The following ASTE1 variants were observed in gnomAD, a reference collection of about 807,000 sequenced individuals.
The protein encoded by ASTE1 is asteroid structure-specific endonuclease 1.
Under a neutral mutation model 45.8 loss-of-function variants are expected in ASTE1, and 49 were observed. The observed-to-expected ratio is 1.07, with a 90% confidence interval of 0.85 to 1.36. The LOEUF (loss-of-function observed/expected upper bound fraction) is 1.36. Ranked by LOEUF, ASTE1 falls within the 40% of genes most tolerant of loss-of-function variation. The probability of loss-of-function intolerance (pLI) is 0.00; values close to 1 mark genes in which losing one functional copy is unlikely to be tolerated. For missense variants in ASTE1, 709 were observed against 804.0 expected (o/e 0.88, Z 1.43); for synonymous variants, 296 against 303.9 (o/e 0.97, Z 0.27).
At chr3:131,021,959 T>TTAA (rs1276824302) in intron 3 of ASTE1, among the ~76,000 whole-genome samples, 4 of 152,226 alleles carry the variant, frequency 2.6e-5, no homozygotes, top group African/African-American at 7.2e-5. Flanking sequence ...GGGTAAAGTT[T>TTAA]TAATAAATCC....
rs370971090 is a variant in ASTE1 at position 131,025,265 on chromosome 3, A to G, written c.42T>C (p.Ser14=). Reference sequence around the variant, plus strand: ...ACTTCAAATCAGTGAAGAACTCATTACTATGATCTTCCACAAAACTCATTA... The same window carrying G: ...ACTTCAAATCAGTGAAGAACTCATTGCTATGATCTTCCACAAAACTCATTA... The part of the protein sequence containing the change: ...RGLMSFVEDH[S]NEFFTDLKLR... The change falls in exon 3 of 6, where the codon AGT becomes AGC. Residue 14 remains serine (S), a synonymous_variant. Coordinates refer to ENST00000264992, the MANE Select transcript of ASTE1 (RefSeq NM_014065.4). The G allele has an allele frequency of 3.1e-6, 5 of 1,614,112 alleles. No homozygotes were observed. Among genetic ancestry groups the G allele is most frequent in the Non-Finnish European group, 4.2e-6 (5 of 1,179,952 alleles).
intron 3 of ASTE1, among the ~76,000 whole-genome samples, chr3:131,020,575 A>G (rs944012092): frequency 6.7e-6 from 1 of 149,710 alleles, no homozygotes; most frequent in East Asian, 1.9e-4. Flanking sequence ...ATGAGAGACT[A>G]TAAAGTTTTT....
Position 131,018,687 on chromosome 3 carries a change from C to T in ASTE1, c.1332G>A (p.Leu444=), listed in dbSNP as rs755504198. Residue 444 remains leucine, a synonymous_variant, in exon 4 of 6, where the codon CTG becomes CTA. Transcript: ENST00000264992. ...ELSLRRRQML[L]LETLKVKQTI... is the part of the protein sequence containing the mutation. ...TCTGTTTCACCTTCAGGGTTTCTAA[C>T]AGAAGCATCTGCCGCCTCCTCAAGG... 3 of 1,614,098 alleles carry T rather than the reference C, an allele frequency of 1.9e-6. No individual in the cohort carries two copies. In the Admixed American group the frequency reaches 5.0e-5, roughly 27 times the overall value.
intron 3 of ASTE1, among the ~76,000 whole-genome samples, chr3:131,022,370 CA>C (rs1302896073): frequency 6.6e-6 from 1 of 152,104 alleles, no homozygotes; most frequent in Non-Finnish European, 1.5e-5. Context: ...TTTTTAGAGA[CA>C]GGGTTTTGCT....
At chr3:131,025,870 G>A (rs2063852044) in intron 1 of ASTE1, among the ~76,000 whole-genome samples, 1 of 152,170 alleles carries the variant, frequency 6.6e-6, no homozygotes, top group Non-Finnish European at 1.5e-5. Context: ...TCAGGCTTTG[G>A]ATTTGTGGGC....
In ASTE1 at chr3:131,013,951, C is replaced by G; in HGVS notation, c.*106G>C. The G allele has an allele frequency of 1.4e-6, 1 of 739,236 alleles. No individual in the cohort carries two copies. The highest frequency in any genetic ancestry group is 2.1e-5 in the South Asian group (1 of 47,452). The allele number at this position is 739,236 out of a possible 1,614,324, so 45.8% of individuals were successfully genotyped here. A position where few individuals can be genotyped will look rare whatever the true frequency, so the allele number is the denominator to read the frequency against. On this transcript the variant is annotated 3_prime_UTR_variant, in exon 6 of 6. Transcript: ENST00000264992. ...TTCAGATTATTGTGATGTTTATCCC[C>G]TAACAGGTCAGTCCTAAAGAAAAAG...
intron 3 of ASTE1, among the ~76,000 whole-genome samples, chr3:131,023,295 CTATT>C (rs968417449): frequency 3.9e-5 from 6 of 151,938 alleles, no homozygotes; most frequent in African/African-American, 1.2e-4. Flanking sequence ...TAAGTTATCT[CTATT>C]TAATGTCTAA....
At chr3:131,017,360 TA>T (rs2063666164) in intron 4 of ASTE1, among the ~76,000 whole-genome samples, 1 of 152,238 alleles carries the variant, frequency 6.6e-6, no homozygotes, top group African/African-American at 2.4e-5. Flanking sequence ...CACGATCTAA[TA>T]GAACTTTCTG....
chr3:131,014,202 C>CG lies in ASTE1; in HGVS notation c.1894_1895insC (p.Arg632ThrfsTer11). 1 of 1,243,256 alleles carries CG rather than the reference C, an allele frequency of 8.0e-7. No homozygotes were observed. 77.0% of individuals were successfully genotyped at this position (1,243,256 alleles called of 1,614,324 possible). ...ACAGCTGGTATTCTGTTTCTTCTGC[C>CG]TTTTTTTTTTTGAATTTGATCTACC... On this transcript the variant is annotated frameshift_variant, in exon 6 of 6. Transcript: ENST00000264992. LOFTEE classifies it low-confidence loss of function (END_TRUNC).
At chr3:131,015,486 A>AGTG (rs2063575714) in intron 5 of ASTE1, among the ~76,000 whole-genome samples, 1 of 152,218 alleles carries the variant, frequency 6.6e-6, no homozygotes, top group African/African-American at 2.4e-5. Flanking sequence ...TAAACTCCAC[A>AGTG]GACAAACATT....
chr3:131,026,276 C>A (rs913442077), intron 1 of ASTE1: 61 of 152,218 alleles, frequency 4.0e-4, no homozygotes, highest in African/African-American at 1.4e-3. Flanking sequence ...GAACCTTATC[C>A]TGTATAGTAC....
chr3:131,014,148 T>C lies in ASTE1; in HGVS notation c.1949A>G (p.His650Arg), dbSNP rs756278955. 1.9e-5 allele frequency: 31 copies of C among 1,613,894 alleles called. No individual in the cohort carries two copies. The Middle Eastern group carries it at 6.6e-4, about 34-fold the overall frequency. Residue 650 changes from histidine (H) to arginine (R), a missense_variant, in exon 6 of 6, where the codon CAC (histidine) becomes CGC (arginine). Coordinates refer to ENST00000264992, the MANE Select transcript of ASTE1 (RefSeq NM_014065.4). ...CSKNRGRTTA[H>R]TKCWYEGNNR... ...GTTTCCCTCATACCAACACTTGGTG[T>C]GTGCAGTGGTTCTCCCTCTGTTCTT...
At chr3:131,019,643 T>C (rs2063716004) in intron 3 of ASTE1, among the ~76,000 whole-genome samples, 1 of 152,214 alleles carries the variant, frequency 6.6e-6, no homozygotes, top group Non-Finnish European at 1.5e-5. Flanking sequence ...AAAAGTTGTA[T>C]TCCTAGTGTC....
chr3:131,021,295 T>A (rs2063739310), intron 3 of ASTE1, among the ~76,000 whole-genome samples: 1 of 152,120 alleles, frequency 6.6e-6, no homozygotes, highest in Non-Finnish European at 1.5e-5. Context: ...AATGGAAGAT[T>A]GGAAAGAACC....
intron 5 of ASTE1, 29 bp from the exon 6 acceptor site, chr3:131,014,416 T>A (rs1303500544): frequency 6.5e-7 from 1 of 1,535,770 alleles, no homozygotes; most frequent in South Asian, 1.3e-5. Flanking sequence ...AAGTATGTTG[T>A]TAAAGAAGTA....
At chr3:131,019,352 A>G (rs1396437032) in intron 3 of ASTE1, among the ~76,000 whole-genome samples, 1 of 152,204 alleles carries the variant, frequency 6.6e-6, no homozygotes, top group Non-Finnish European at 1.5e-5. Context: ...CTGCTTGTAG[A>G]TTAGAGGTAT....
chr3:131,016,699 C>A, intron 4 of ASTE1: 1 of 322,774 alleles, frequency 3.1e-6, no homozygotes, highest in Non-Finnish European at 6.0e-6. Context: ...CTTTACTGTT[C>A]TCTTTCACCG....
At chr3:131,018,806 A>C (rs1237728773) in intron 3 of ASTE1, 90 bp from the exon 4 acceptor site, 7 of 1,287,136 alleles carry the variant, frequency 5.4e-6, no homozygotes, top group Admixed American at 2.1e-5. Context: ...ATTTAATGCT[A>C]CTGAAACTTC....
rs142249490 is a variant in ASTE1 at position 131,014,275 on chromosome 3, A to G, written c.1822T>C (p.Phe608Leu). The change falls in exon 6 of 6, where the codon TTC becomes CTC. Residue 608 changes from phenylalanine (F) to leucine (L), a missense_variant. Physicochemically the swap from Phe to Leu is conservative, Grantham distance 22. Transcript: ENST00000264992. ...GGGGCATATGACCTTGTGGCATTGA[A>G]TAGATATTCATAAAGTTGCTTAGCC... The part of the protein sequence containing the change: ...PEAKQLYEYL[F>L]NATRSYAPAE... 6.2e-6 allele frequency: 10 copies of G among 1,613,944 alleles called. No individual in the cohort carries two copies. The African/African-American group carries it at 1.3e-4, about 22-fold the overall frequency.
Sources: allele counts gnomAD v4.1 joint callset (sites outside exome capture counted in the v4.1 genomes callset), GRCh38; gene constraint gnomAD v4.1.1; transcripts MANE v1.5; gene names NCBI Gene and HGNC (gene_info 2026-07-23, HGNC 2026-07-21).